The following DMC1 variants were observed in gnomAD, a reference collection of about 807,000 sequenced individuals.
DMC1 encodes the protein meiotic recombination protein DMC1 homolog.
Under a neutral mutation model 50.1 loss-of-function variants are expected in DMC1, and 27 were observed. The ratio of observed to expected loss-of-function variants is 0.54; its 90% CI spans 0.40 to 0.74. DMC1 has a LOEUF of 0.74. Ranked by LOEUF, DMC1 falls within the 30% of genes least tolerant of loss-of-function variation. The pLI, the probability that DMC1 is intolerant of heterozygous loss-of-function variation, is 0.00. For synonymous variants in DMC1, 148 were observed against 136.1 expected (o/e 1.09, Z -0.61); for missense variants, 295 against 420.2 (o/e 0.70, Z 2.60).
At chr22:38,548,916 C>T (rs2145921255) in intron 8 of DMC1, among the ~76,000 whole-genome samples, 1 of 152,214 alleles carries the variant, frequency 6.6e-6, no homozygotes, top group South Asian at 2.1e-4. Flanking sequence ...CATGATCTTT[C>T]CAGTTCTATT....
intron 6 of DMC1, among the ~76,000 whole-genome samples, chr22:38,554,401 C>T (rs1185493339): frequency 9.4e-6 from 1 of 106,020 alleles, no homozygotes; most frequent in Non-Finnish European, 1.9e-5. Flanking sequence ...AAGACTGAGT[C>T]AACAGAAATA....
rs1405303201 is a variant in DMC1, at chr22:38,562,448, T to C, written c.244-79A>G. ...TTTTCAAATGTTGCCCAAAATGATA[T>C]ACTCAGTTATTAAGATCATCATTTG... On this transcript the variant is annotated intron_variant, in intron 4 of 13. Coordinates refer to ENST00000216024, the MANE Select transcript of DMC1 (RefSeq NM_007068.4). The C allele has an allele frequency of 5.3e-6, 5 of 949,248 alleles. No individual in the cohort carries two copies. In the East Asian group the frequency reaches 1.2e-4, roughly 23 times the overall value. The allele number at this position is 949,248 out of a possible 1,614,324, so 58.8% of individuals were successfully genotyped here.
In DMC1 at chr22:38,537,581, T is replaced by C. The variant is rs2090228654; in HGVS notation, c.836+11A>G. 3 of 1,611,806 alleles carry C rather than the reference T, an allele frequency of 1.9e-6. No individual in the cohort carries two copies. The highest frequency in any genetic ancestry group is 1.7e-6 in the Non-Finnish European group (2 of 1,177,910). On this transcript the variant is annotated intron_variant, in intron 12 of 13. Coordinates refer to ENST00000216024, the MANE Select transcript of DMC1 (RefSeq NM_007068.4). The stretch of plus-strand genomic sequence containing the variant: ...CCTCTGTGAAATAAAAAGTAGAATA[T>C]TGGGGCTTACGTCATAGTTGCTCCT...
chr22:38,553,956 CAAAAAAAAAAAAA>C (rs35690372), intron 6 of DMC1, among the ~76,000 whole-genome samples: 1 of 34,750 alleles, frequency 2.9e-5, no homozygotes, highest in Non-Finnish European at 5.6e-5. Flanking sequence ...ACTCCATCTC[CAAAAAAAAAAAAA>C]AAAAAAAAAA....
Position 38,538,553 on chromosome 22 carries a change from T to C in DMC1, c.646A>G (p.Ile216Val), listed in dbSNP as rs777796944. Reference sequence around the variant, plus strand: ...AAAGCTTGTACCAATAGCTTGAAGATGCCAGCTTCTTCATGGAACTTTGCT... The same window carrying C: ...AAAGCTTGTACCAATAGCTTGAAGACGCCAGCTTCTTCATGGAACTTTGCT... ...VAAKFHEEAG[I>V]FKLLIIDSIM... The change falls in exon 10 of 14, where the codon ATC becomes GTC. Residue 216 changes from isoleucine to valine, a missense_variant. Physicochemically the swap from Ile to Val is conservative, Grantham distance 29. Transcript: ENST00000216024. 2.5e-6 allele frequency: 4 copies of C among 1,613,702 alleles called. No homozygotes were observed. The Admixed American group carries it at 6.7e-5, about 27-fold the overall frequency.
intron 7 of DMC1, 126 bp downstream of exon 7, chr22:38,552,540 T>A: frequency 1.3e-6 from 1 of 765,678 alleles, no homozygotes; most frequent in South Asian, 1.5e-5. Context: ...TTACTTAATC[T>A]GCCTGTGTTT....
At position 38,549,986 on chromosome 22, in the gene DMC1, G is replaced by C; in HGVS notation, c.433C>G (p.Leu145Val). 6.2e-7 allele frequency: 1 copy of C among 1,613,100 alleles called. No individual in the cohort carries two copies. The highest frequency in any genetic ancestry group is 8.5e-7 in the Non-Finnish European group (1 of 1,179,234). Residue 145 changes from leucine to valine, a missense_variant, in exon 8 of 14, where the codon CTT (leucine) becomes GTT (valine). Leu to Val is a conservative substitution (Grantham distance 32, BLOSUM62 1). Transcript: ENST00000216024. ...LSHTLCVTAQ[L>V]PGAGGYPGGK... ...CCTGGGTAGCCACCAGCTCCTGGAAGTTGAGCTGTCACTAGGAAGCAATTA... is the reference window on the plus strand; with the variant it reads ...CCTGGGTAGCCACCAGCTCCTGGAACTTGAGCTGTCACTAGGAAGCAATTA...
At chr22:38,509,268 C>T in the DMC1 span, among the ~76,000 whole-genome samples, 2 of 152,016 alleles carry the variant, frequency 1.3e-5, no homozygotes, top group Non-Finnish European at 2.9e-5. Context: ...CCCCTTGCCT[C>T]GGTATTAGGC....
downstream of DMC1, among the ~76,000 whole-genome samples, chr22:38,515,043 T>A (rs373559192): frequency 8.1e-4 from 122 of 151,322 alleles, no homozygotes; most frequent in African/African-American, 2.9e-3. Context: ...AATTATTGTA[T>A]TTTTAGTAGA....
At chr22:38,520,432 A>C (rs1265606301) in intron 13 of DMC1, among the ~76,000 whole-genome samples, 1 of 151,302 alleles carries the variant, frequency 6.6e-6, no homozygotes, top group Non-Finnish European at 1.5e-5. Context: ...ATCTCGTCTC[A>C]CTGCAACCTC....
At chr22:38,525,173 A>T (rs1242673604) in intron 12 of DMC1, among the ~76,000 whole-genome samples, 1 of 152,214 alleles carries the variant, frequency 6.6e-6, no homozygotes, top group African/African-American at 2.4e-5. Context: ...TTGAAACTCC[A>T]GCGCCTGGAA....
intron 12 of DMC1, among the ~76,000 whole-genome samples, chr22:38,535,565 C>A (rs1167831571): frequency 6.6e-6 from 1 of 151,908 alleles, no homozygotes; most frequent in Admixed American, 6.6e-5. Context: ...TTTAACTTCT[C>A]TCTGGTAAAA....
chr22:38,525,193 T>A (rs2090074602), intron 12 of DMC1, among the ~76,000 whole-genome samples: 1 of 152,218 alleles, frequency 6.6e-6, no homozygotes, highest in South Asian at 2.1e-4. Flanking sequence ...AAAGTGCCTA[T>A]AATATACAGG....
At chr22:38,544,516 T>C (rs753880852) in intron 8 of DMC1, among the ~76,000 whole-genome samples, 2 of 152,214 alleles carry the variant, frequency 1.3e-5, no homozygotes, top group Non-Finnish European at 1.5e-5. Context: ...AGATGTCTCA[T>C]GTCTCCCAAA....
At chr22:38,543,419 T>C (rs897512738) in intron 8 of DMC1, among the ~76,000 whole-genome samples, 2 of 151,964 alleles carry the variant, frequency 1.3e-5, no homozygotes, top group Non-Finnish European at 1.5e-5. Context: ...TTAGTAGAGA[T>C]GGGGTTTCAC....
At chr22:38,515,169 A>G (rs551351504), downstream of DMC1, among the ~76,000 whole-genome samples, 38 of 150,356 alleles carry the variant, frequency 2.5e-4, no homozygotes, top group South Asian at 8.1e-3. Flanking sequence ...CCTAGCCTGA[A>G]GGCAAGTTTA....
chr22:38,551,258 A>T (rs2090407386), intron 7 of DMC1, among the ~76,000 whole-genome samples: 2 of 151,696 alleles, frequency 1.3e-5, no homozygotes, highest in South Asian at 4.1e-4. Context: ...AAAAAAAAAA[A>T]GTCACAAATA....
At chr22:38,556,795 A>G (rs2090473088) in intron 5 of DMC1, among the ~76,000 whole-genome samples, 2 of 152,238 alleles carry the variant, frequency 1.3e-5, no homozygotes, top group Non-Finnish European at 2.9e-5. Flanking sequence ...TTTAAGATAT[A>G]TAGATAATCC....
intron 12 of DMC1, among the ~76,000 whole-genome samples, chr22:38,526,576 C>CCT (rs2090092984): frequency 6.6e-6 from 1 of 151,860 alleles, no homozygotes; most frequent in East Asian, 1.9e-4. Context: ...ACATCCCCTC[C>CCT]CCACCAAAAA....
Sources: allele counts gnomAD v4.1 joint callset (sites outside exome capture counted in the v4.1 genomes callset), GRCh38; gene constraint gnomAD v4.1.1; transcripts MANE v1.5; gene names NCBI Gene and HGNC (gene_info 2026-07-23, HGNC 2026-07-21).